PPME1: variants seen among roughly 807,000 people sequenced by gnomAD.
PPME1 encodes the protein protein phosphatase methylesterase 1.
In PPME1, 17 loss-of-function variants were observed where a neutral mutation model predicts 56.9. That is an observed-to-expected ratio of 0.30 (90% CI 0.20 to 0.45). The LOEUF is 0.45. Ranked by LOEUF, PPME1 falls within the 20% of genes least tolerant of loss-of-function variation. The pLI is 1.00. For synonymous variants in PPME1, 122 were observed against 156.2 expected (o/e 0.78, Z 1.63); for missense variants, 357 against 483.2 (o/e 0.74, Z 2.45).
Position 74,246,173 on chromosome 11 carries a change from G to C in PPME1, c.932G>C (p.Ser311Thr). 1 of 1,552,470 alleles carries C rather than the reference G, an allele frequency of 6.4e-7. No homozygotes were observed. Among genetic ancestry groups the C allele is most frequent in the Non-Finnish European group, 8.7e-7 (1 of 1,147,214 alleles). The change falls in exon 10 of 14, where the codon AGT becomes ACT. Residue 311 changes from serine to threonine, a missense_variant. Ser to Thr is a moderately conservative substitution (Grantham distance 58). This residue lies in a region of PPME1 where 182 missense variants were observed against 293.8 expected (regional missense o/e 0.62). Transcript: ENST00000328257. Reference protein sequence around the residue: ...WFRGLSNLFLSCPIPKLLLLA... With the variant: ...WFRGLSNLFLTCPIPKLLLLA... ...CGAGGCTTATCCAATCTCTTTCTTAGTTGTCCCATTCCTAAATTGCTGCTC... is the reference window on the plus strand; with the variant it reads ...CGAGGCTTATCCAATCTCTTTCTTACTTGTCCCATTCCTAAATTGCTGCTC...
Position 74,203,731 on chromosome 11 carries a change from T to C in PPME1, c.105T>C (p.Pro35=). ...TCTCTCTCTTTTTTTTCCTCAGCCC[T>C]GGAAGAAAGCGGGACTTTTCCCCTG... ...SQSGAKMRMG[P]GRKRDFSPVP... Residue 35 remains proline (P), a synonymous_variant, in exon 2 of 14, where the codon CCT becomes CCC. Transcript: ENST00000328257. 1 of 1,609,884 alleles carries C rather than the reference T, an allele frequency of 6.2e-7. No individual in the cohort carries two copies. The highest frequency in any genetic ancestry group is 8.5e-7 in the Non-Finnish European group (1 of 1,178,006).
In PPME1 at chr11:74,203,774, T is replaced by C. The variant is rs1858244365; in HGVS notation, c.148T>C (p.Phe50Leu). Residue 50 changes from phenylalanine (F) to leucine (L), a missense_variant, in exon 2 of 14, where the codon TTT becomes CTT. Transcript: ENST00000328257. ...TTCCCCTGTTCCTTGGAGTCAGTAT[T>C]TTGAGTCCATGGAAGATGTAGAAGT... ...DFSPVPWSQY[F>L]ESMEDVEVEN... 1.2e-6 allele frequency: 2 copies of C among 1,612,556 alleles called. No individual in the cohort carries two copies. The highest frequency in any genetic ancestry group is 1.7e-6 in the Non-Finnish European group (2 of 1,179,226).
intron 3 of PPME1, among the ~76,000 whole-genome samples, chr11:74,220,931 TA>T (rs1161380121): frequency 2.0e-5 from 3 of 152,164 alleles, no homozygotes; most frequent in East Asian, 3.8e-4. Context: ...TTTGCTCATT[TA>T]TTTTTTTCTA....
In PPME1 at chr11:74,251,743, C is replaced by A. The variant is rs371290758; in HGVS notation, c.1142+28C>A. ...AAGGCGGGTACAAGGGTTTAAGAAC[C>A]CAGCAGTGCTGGCCGAATCTGACAA... is the stretch of plus-strand genomic sequence containing the variant. On this transcript the variant is annotated intron_variant, in intron 13 of 13. Transcript: ENST00000328257. 1.1e-5 allele frequency: 18 copies of A among 1,612,494 alleles called. No homozygotes were observed. The African/African-American group carries it at 2.3e-4, about 20-fold the overall frequency.
intron 7 of PPME1, among the ~76,000 whole-genome samples, chr11:74,232,356 TC>T (rs1036614459): frequency 6.6e-6 from 1 of 152,268 alleles, no homozygotes; most frequent in African/African-American, 2.4e-5. Context: ...GAATCAGATA[TC>T]AAGTGGAAAT....
At chr11:74,239,528 A>AG (rs1388555085) in intron 9 of PPME1, among the ~76,000 whole-genome samples, 1 of 151,096 alleles carries the variant, frequency 6.6e-6, no homozygotes, top group Non-Finnish European at 1.5e-5. Context: ...TCCTCCCATG[A>AG]GAAAAATTCC....
chr11:74,233,416 C>T (rs1410261785), intron 7 of PPME1, among the ~76,000 whole-genome samples: 1 of 151,996 alleles, frequency 6.6e-6, no homozygotes, highest in Admixed American at 6.6e-5. Context: ...GCCATTTTGG[C>T]TATTCTAGAT....
intron 3 of PPME1, among the ~76,000 whole-genome samples, chr11:74,212,106 A>G (rs1858493158): frequency 6.6e-6 from 1 of 152,218 alleles, no homozygotes; most frequent in Non-Finnish European, 1.5e-5. Context: ...AAGAGGATAG[A>G]AACGACAGTC....
At chr11:74,207,760 A>G (rs1374005597) in intron 3 of PPME1, among the ~76,000 whole-genome samples, 6 of 152,178 alleles carry the variant, frequency 3.9e-5, no homozygotes, top group Admixed American at 3.9e-4. Flanking sequence ...GAGCCAGAAG[A>G]GAGATGAGAG....
chr11:74,203,611 T>G (rs1858233218), intron 1 of PPME1, 117 bp from the exon 2 acceptor site: 1 of 636,372 alleles, frequency 1.6e-6, no homozygotes, highest in African/African-American at 1.8e-5. Flanking sequence ...CTTTATATCT[T>G]TAAGAGAAAA....
chr11:74,182,683 C>T (rs1857571462), intron 1 of PPME1, among the ~76,000 whole-genome samples: 1 of 152,128 alleles, frequency 6.6e-6, no homozygotes, highest in South Asian at 2.1e-4. Flanking sequence ...ACATGGTTCT[C>T]ATTGCCTGAA....
chr11:74,239,344 T>C lies in PPME1; in HGVS notation c.834+88T>C, dbSNP rs572397554. ...GGGAAGGGGTGATAACATTGTTCTTTTTGTTTGCCATTAGGTATTTTAGGG... is the reference window on the plus strand; with the variant it reads ...GGGAAGGGGTGATAACATTGTTCTTCTTGTTTGCCATTAGGTATTTTAGGG... On this transcript the variant is annotated intron_variant, in intron 9 of 13. Coordinates refer to ENST00000328257, the MANE Select transcript of PPME1 (RefSeq NM_016147.3). 26 of 1,514,064 alleles carry C rather than the reference T, an allele frequency of 1.7e-5. No individual in the cohort carries two copies. The African/African-American group carries it at 3.5e-4, about 20-fold the overall frequency. 93.8% of individuals were successfully genotyped at this position (1,514,064 alleles called of 1,614,324 possible). A position where few individuals can be genotyped will look rare whatever the true frequency, so the allele number is the denominator to read the frequency against.
intron 13 of PPME1, chr11:74,251,956 C>T: frequency 2.8e-6 from 2 of 704,100 alleles, no homozygotes; most frequent in Non-Finnish European, 5.3e-6. Context: ...CCTAGTCTCA[C>T]TCCCCACTGT....
At chr11:74,241,409 T>A (rs1308541423) in intron 9 of PPME1, among the ~76,000 whole-genome samples, 1 of 152,254 alleles carries the variant, frequency 6.6e-6, no homozygotes, top group Non-Finnish European at 1.5e-5. Context: ...TTTGGGTTGT[T>A]TCCACTTTTT....
chr11:74,247,365 A>G (rs1413000934), intron 11 of PPME1: 3 of 472,924 alleles, frequency 6.3e-6, no homozygotes, highest in East Asian at 3.6e-5. Flanking sequence ...ACTACTACCT[A>G]TGTCTCAGTT....
intron 10 of PPME1, among the ~76,000 whole-genome samples, chr11:74,246,795 G>A (rs191578681): frequency 2.8e-4 from 43 of 152,306 alleles, no homozygotes; most frequent in Admixed American, 9.2e-4. Context: ...ACTTGGTCAA[G>A]CTCAAGTCCT....
At chr11:74,220,618 T>A (rs1283384613) in intron 3 of PPME1, among the ~76,000 whole-genome samples, 1 of 152,218 alleles carries the variant, frequency 6.6e-6, no homozygotes, top group African/African-American at 2.4e-5. Flanking sequence ...GAAAATTATG[T>A]CTAAGTAGTA....
chr11:74,181,138 G>A (rs1308729854), intron 1 of PPME1, among the ~76,000 whole-genome samples: 2 of 147,510 alleles, frequency 1.4e-5, no homozygotes, highest in East Asian at 2.0e-4. Context: ...TCCGCTTCCC[G>A]GGTTCACGCC....
At chr11:74,172,020 T>C (rs530667471) in intron 1 of PPME1, among the ~76,000 whole-genome samples, 1 of 152,150 alleles carries the variant, frequency 6.6e-6, no homozygotes, top group Non-Finnish European at 1.5e-5. Flanking sequence ...TAGAAAACAC[T>C]CGAGACAGGG....
Sources: allele counts gnomAD v4.1 joint callset (sites outside exome capture counted in the v4.1 genomes callset), GRCh38; gene constraint gnomAD v4.1.1; regional missense constraint gnomAD v4.1.1; transcripts MANE v1.5; gene names NCBI Gene and HGNC (gene_info 2026-07-23, HGNC 2026-07-21).